The following SIRPG variants were observed in gnomAD, a reference collection of about 807,000 sequenced individuals.
SIRPG encodes signal-regulatory protein gamma.
A neutral mutation model predicts 35.7 loss-of-function variants in SIRPG; 38 were observed. The ratio of observed to expected loss-of-function variants is 1.06; its 90% CI spans 0.82 to 1.40. The LOEUF is 1.40. Among genes scored for constraint, SIRPG ranks in the 40% most tolerant of loss-of-function variants. The pLI is 0.00. For missense variants in SIRPG, 519 were observed against 483.0 expected, an observed-to-expected ratio of 1.07 and a Z score of -0.70; for synonymous variants, 215 against 190.4, an observed-to-expected ratio of 1.13 and a Z score of -1.06.
At chr20:1,636,036 T>C (rs1046348762) in intron 3 of SIRPG, 152 bp downstream of exon 3, 4 of 1,113,030 alleles carry the variant, frequency 3.6e-6, no homozygotes, top group East Asian at 5.1e-5. Flanking sequence ...AAAATGATAG[T>C]AAGTGACCAG....
In SIRPG at chr20:1,635,527, C is replaced by A; in HGVS notation, c.821G>T (p.Arg274Met). 6.2e-7 allele frequency: 1 copy of A among 1,614,098 alleles called. No homozygotes were observed. Among genetic ancestry groups the A allele is most frequent in the Non-Finnish European group, 8.5e-7 (1 of 1,179,974 alleles). ...CTGTAGGCTCTGGGGGTAGAACTTC[C>A]TCACCTGGCAGGTGACGTTTACCTG... ...GNQVNVTCQV[R>M]KFYPQSLQLT... Residue 274 changes from arginine (R) to methionine (M), a missense_variant, in exon 4 of 6, where the codon AGG becomes ATG. Transcript: ENST00000303415.
rs370231533 is a variant in SIRPG at position 1,635,575 on chromosome 20, T to C, written c.773A>G (p.Gln258Arg). The C allele has an allele frequency of 3.1e-6, 5 of 1,614,034 alleles. No homozygotes were observed. In the Admixed American group the frequency reaches 5.0e-5, roughly 16 times the overall value. ...CTGGTTCCCCACCCTCATGGGCTGT[T>C]GAGTAACCTCCAAGGTGGGTGGAAC... ...IRVPPTLEVT[Q>R]QPMRVGNQVN... Residue 258 changes from glutamine to arginine, a missense_variant, in exon 4 of 6, where the codon CAA (glutamine) becomes CGA (arginine). Coordinates refer to ENST00000303415, the MANE Select transcript of SIRPG (RefSeq NM_018556.4).
At chr20:1,674,132 C>T in the SIRPG span, among the ~76,000 whole-genome samples, 1 of 152,178 alleles carries the variant, frequency 6.6e-6, no homozygotes, top group African/African-American at 2.4e-5. Flanking sequence ...CTTCTGGAGT[C>T]ACTGAGAACT....
In SIRPG at chr20:1,636,407, C is replaced by A; in HGVS notation, c.529G>T (p.Asp177Tyr). The A allele has an allele frequency of 1.2e-6, 2 of 1,614,226 alleles. No homozygotes were observed. Among genetic ancestry groups the A allele is most frequent in the Non-Finnish European group, 1.7e-6 (2 of 1,180,034 alleles). ...TTTTTGAACCATTTCAGGGTGATGT[C>A]TCTGGGAGAGAAGCCATGGGACTCA... ...TCESHGFSPR[D>Y]ITLKWFKNGN... Residue 177 changes from aspartate to tyrosine, a missense_variant, in exon 3 of 6, where the codon GAC (aspartate) becomes TAC (tyrosine). Transcript: ENST00000303415.
At chr20:1,676,669 G>A in the SIRPG span, 16 of 156,398 alleles carry the variant, frequency 1.0e-4, no homozygotes, top group African/African-American at 1.4e-4. Context: ...AACATAGTCC[G>A]TGTTGTTTCT....
the SIRPG span, among the ~76,000 whole-genome samples, chr20:1,680,717 C>A: frequency 6.6e-6 from 1 of 152,106 alleles, no homozygotes; most frequent in African/African-American, 2.4e-5. Flanking sequence ...CATGATTATC[C>A]ATTTGATGCA....
intron 3 of SIRPG, among the ~76,000 whole-genome samples, chr20:1,635,978 T>A (rs546548334): frequency 9.8e-5 from 15 of 152,338 alleles, no homozygotes; most frequent in African/African-American, 3.6e-4. Flanking sequence ...TGAAACTCTC[T>A]AGCGCAGAGC....
chr20:1,654,660 A>G (rs2091964152), intron 1 of SIRPG, among the ~76,000 whole-genome samples: 1 of 152,246 alleles, frequency 6.6e-6, no homozygotes, highest in Non-Finnish European at 1.5e-5. Context: ...AGCACAGGCA[A>G]CAAAAGCAAA....
At chr20:1,676,046 C>G in the SIRPG span, among the ~76,000 whole-genome samples, 4 of 152,148 alleles carry the variant, frequency 2.6e-5, no homozygotes, top group Admixed American at 6.5e-5. Context: ...GTGAGCACTT[C>G]ACTAGGAAGT....
chr20:1,668,199 T>TTTTCTTTCTTTCTTCCTTTC, the SIRPG span, among the ~76,000 whole-genome samples: 2 of 67,394 alleles, frequency 3.0e-5, no homozygotes, highest in African/African-American at 9.7e-5. Context: ...TTTTCTTTTC[T>TTTTCTTTCTTTCTTCCTTTC]TTTCTTTCTT....
chr20:1,641,799 T>C (rs981548829), intron 2 of SIRPG, among the ~76,000 whole-genome samples: 2 of 152,232 alleles, frequency 1.3e-5, no homozygotes, highest in Non-Finnish European at 2.9e-5. Flanking sequence ...GTCTCTTTGT[T>C]CTTATTGGTT....
At chr20:1,639,860 C>T (rs1219340021) in intron 2 of SIRPG, among the ~76,000 whole-genome samples, 1 of 152,126 alleles carries the variant, frequency 6.6e-6, no homozygotes, top group East Asian at 1.9e-4. Flanking sequence ...TTTCCCAGTC[C>T]CATTTATTAA....
chr20:1,651,320 GTCC>G (rs897766098), intron 1 of SIRPG: 1 of 152,218 alleles, frequency 6.6e-6, no homozygotes, highest in Non-Finnish European at 1.5e-5. Context: ...TCCTCTTCTT[GTCC>G]TCCTCTTCTG....
chr20:1,630,482 C>T, intron 4 of SIRPG, 176 bp from the exon 5 acceptor site: 1 of 578,540 alleles, frequency 1.7e-6, no homozygotes, highest in Non-Finnish European at 3.0e-6. Context: ...AAAGAGGCTC[C>T]CCATTCTCAC....
At chr20:1,670,774 T>G in the SIRPG span, 76,977 of 186,866 alleles carry the variant, frequency 0.41, 16,417 homozygotes, top group East Asian at 0.64. Context: ...GGCAGCACAG[T>G]TAGGAATTAG....
At chr20:1,654,865 G>A (rs551719004) in intron 1 of SIRPG, among the ~76,000 whole-genome samples, 1 of 152,074 alleles carries the variant, frequency 6.6e-6, no homozygotes, top group Non-Finnish European at 1.5e-5. Flanking sequence ...TAAAATATGG[G>A]CCAAAGATCC....
the SIRPG span, among the ~76,000 whole-genome samples, chr20:1,672,477 C>A: frequency 6.6e-6 from 1 of 152,196 alleles, no homozygotes; most frequent in Non-Finnish European, 1.5e-5. Context: ...ATCTGAGTAA[C>A]AACTGAAGTC....
intron 2 of SIRPG, chr20:1,648,513 A>G (rs2091913912): frequency 1.3e-5 from 2 of 152,238 alleles, no homozygotes; most frequent in African/African-American, 4.8e-5. Context: ...ATGGAAGAGA[A>G]TGTAAGCTTG....
the SIRPG span, among the ~76,000 whole-genome samples, chr20:1,665,866 C>T: frequency 3.3e-5 from 5 of 151,884 alleles, no homozygotes; most frequent in African/African-American, 4.8e-5. Context: ...TTTTTAGGAA[C>T]GTTTAAATAT....
Sources: gnomAD v4.1 joint callset for allele counts (sites outside exome capture counted in the v4.1 genomes callset) on GRCh38, gnomAD v4.1.1 for gene constraint, MANE v1.5 for transcripts, NCBI Gene and HGNC (gene_info 2026-07-23, HGNC 2026-07-21) for gene names.